The following KIF7 variants were observed in gnomAD, a reference collection of about 807,000 sequenced individuals.
KIF7 encodes the protein kinesin family member 7.
A neutral mutation model predicts 135.7 loss-of-function variants in KIF7; 104 were observed. That is an observed-to-expected ratio of 0.77 (90% CI 0.65 to 0.90). The LOEUF is 0.90. Ranked by LOEUF, KIF7 falls within the 40% of genes least tolerant of loss-of-function variation. The pLI is 0.00. For missense variants in KIF7, 2,005 were observed against 1,839.1 expected, an observed-to-expected ratio of 1.09 and a Z score of -1.65; for synonymous variants, 883 against 809.4, an observed-to-expected ratio of 1.09 and a Z score of -1.54.
chr15:89,627,192 C>G, downstream of KIF7: 7 of 1,405,252 alleles, frequency 5.0e-6, 1 homozygote, highest in South Asian at 7.5e-5. Flanking sequence ...GGTCAGTGTT[C>G]AGATTGCCAT....
chr15:89,625,980 G>T, downstream of KIF7: 1 of 1,605,832 alleles, frequency 6.2e-7, no homozygotes, highest in Non-Finnish European at 8.5e-7. Context: ...CTGCCTCTCT[G>T]CCAGTGCCCT....
At chr15:89,643,619 G>C (rs1403161173) in intron 10 of KIF7, among the ~76,000 whole-genome samples, 3 of 152,228 alleles carry the variant, frequency 2.0e-5, no homozygotes, top group Non-Finnish European at 1.5e-5. Context: ...GGGTGCGGTG[G>C]CTCACGCCTC....
chr15:89,639,737 T>C (rs1197812940), intron 11 of KIF7, among the ~76,000 whole-genome samples: 174 of 149,198 alleles, frequency 1.2e-3, no homozygotes, highest in African/African-American at 3.9e-3. Context: ...AGTGTGGCAA[T>C]TCCTCAGGGA....
chr15:89,632,945 G>T lies in KIF7; in HGVS notation c.2770C>A (p.Gln924Lys). The T allele has an allele frequency of 6.3e-7, 1 of 1,581,790 alleles. No individual in the cohort carries two copies. Residue 924 changes from glutamine (Q) to lysine (K), a missense_variant, in exon 14 of 19, where the codon CAG becomes AAG. By Grantham distance (53) the Gln-to-Lys change is moderately conservative. Coordinates refer to ENST00000394412, the MANE Select transcript of KIF7 (RefSeq NM_198525.3). ...AGCTCCTCCAGCGCCCGCCGCTGCT[G>T]TAGCACCTTCTCCATCTCCTGGTCC... ...WLDQEMEKVL[Q>K]QRRALEELGE...
chr15:89,620,055 A>G (rs2141980149), intron 1 of KIF7, among the ~76,000 whole-genome samples: 1 of 152,360 alleles, frequency 6.6e-6, no homozygotes, highest in Non-Finnish European at 1.5e-5. Flanking sequence ...CATCCATGCT[A>G]TCATTATAGG....
chr15:89,631,119 T>C (rs1596066218), intron 15 of KIF7: 1 of 265,416 alleles, frequency 3.8e-6, no homozygotes, highest in East Asian at 8.2e-5. Context: ...TATAGTCACA[T>C]AGGCTTTCTC....
chr15:89,642,800 C>T (rs1407428776), intron 10 of KIF7, among the ~76,000 whole-genome samples: 1 of 152,314 alleles, frequency 6.6e-6, no homozygotes, highest in Admixed American at 6.5e-5. Context: ...AACTCCTGAC[C>T]TCTGGTGATC....
chr15:89,647,159 C>A (rs2142025491), intron 6 of KIF7, 102 bp from the exon 7 acceptor site: 1 of 1,040,176 alleles, frequency 9.6e-7, no homozygotes, highest in South Asian at 1.4e-5. Flanking sequence ...CGTCTCTGGG[C>A]TGAAAATGAG....
At chr15:89,662,807 G>T in the KIF7 span, among the ~76,000 whole-genome samples, 506 of 152,320 alleles carry the variant, frequency 3.3e-3, no homozygotes, top group Non-Finnish European at 5.9e-3. Flanking sequence ...CCATTTAGAG[G>T]AGCTACTTTG....
downstream of KIF7, chr15:89,623,935 A>G (rs758340143): frequency 2.8e-5 from 45 of 1,613,880 alleles, no homozygotes; most frequent in East Asian, 8.9e-5. Flanking sequence ...GTTTTTGCCA[A>G]ACTGTACTTG....
chr15:89,647,491 C>T (rs1009909302), intron 6 of KIF7, 105 bp downstream of exon 6: 13 of 993,460 alleles, frequency 1.3e-5, no homozygotes, highest in Middle Eastern at 2.0e-4. Context: ...ACCCCTACCC[C>T]GCAGTACCCT....
At chr15:89,654,389 A>G (rs1000639693) in intron 1 of KIF7, among the ~76,000 whole-genome samples, 31 of 148,900 alleles carry the variant, frequency 2.1e-4, no homozygotes, top group Admixed American at 2.0e-3. Context: ...CTCACTTCCC[A>G]CACCCCAGGC....
chr15:89,632,896 T>C lies in KIF7; in HGVS notation c.2819A>G (p.Glu940Gly). 6.2e-7 allele frequency: 1 copy of C among 1,609,956 alleles called. No individual in the cohort carries two copies. Among genetic ancestry groups the C allele is most frequent in the Non-Finnish European group, 8.5e-7 (1 of 1,179,724 alleles). ...EELGEELHKR[E>G]AILAKKEALM... is the part of the protein sequence containing the mutation. ...GGCCTCCTTCTTGGCCAGGATGGCC[T>C]CCCGCTTGTGGAGCTCCTCCCCCAG... The change falls in exon 14 of 19, where the codon GAG (glutamate) becomes GGG (glycine). Residue 940 changes from glutamate (E) to glycine (G), a missense_variant. Glu to Gly is a moderately conservative substitution (Grantham distance 98). Coordinates refer to ENST00000394412, the MANE Select transcript of KIF7 (RefSeq NM_198525.3).
chr15:89,654,399 C>A (rs895348304), intron 1 of KIF7, among the ~76,000 whole-genome samples: 2 of 151,996 alleles, frequency 1.3e-5, no homozygotes, highest in Non-Finnish European at 2.9e-5. Flanking sequence ...ACACCCCAGG[C>A]CTTTCCTCGC....
intron 17 of KIF7, 34 bp from the exon 18 acceptor site, chr15:89,629,156 G>C: frequency 6.2e-7 from 1 of 1,607,954 alleles, no homozygotes; most frequent in South Asian, 1.1e-5. Flanking sequence ...GGGTGGTGAG[G>C]GCTGCAGGCG....
At chr15:89,624,519 C>T (rs201568452), downstream of KIF7, 212 of 1,614,020 alleles carry the variant, frequency 1.3e-4, 1 homozygote, top group Admixed American at 2.8e-3. Context: ...CTGATGCCTC[C>T]GCTACTCCTG....
At chr15:89,661,962 T>C in the KIF7 span, among the ~76,000 whole-genome samples, 506 of 152,226 alleles carry the variant, frequency 3.3e-3, no homozygotes, top group Non-Finnish European at 5.9e-3. Context: ...CTTGAACTCC[T>C]GACCTCGTGA....
At chr15:89,660,152 C>T (rs571929457), upstream of KIF7, among the ~76,000 whole-genome samples, 10 of 152,168 alleles carry the variant, frequency 6.6e-5, no homozygotes, top group African/African-American at 1.4e-4. Context: ...GAGCCAAGAT[C>T]GTACCACTGC....
At chr15:89,649,490 C>T in intron 3 of KIF7, 123 bp from the exon 4 acceptor site, 1 of 1,170,574 alleles carries the variant, frequency 8.5e-7, no homozygotes, top group Non-Finnish European at 1.2e-6. Context: ...CTCCCCATGC[C>T]CACGGGGTAC....
Sources: gnomAD v4.1 joint callset for allele counts (sites outside exome capture counted in the v4.1 genomes callset) on GRCh38, gnomAD v4.1.1 for gene constraint, MANE v1.5 for transcripts, NCBI Gene and HGNC (gene_info 2026-07-23, HGNC 2026-07-21) for gene names.